The following DEPDC5 variants were observed in gnomAD, a reference collection of about 807,000 sequenced individuals.
The protein encoded by DEPDC5 is DEP domain containing 5, GATOR1 subcomplex subunit, also known as GATOR1 complex protein DEPDC5.
Under a neutral mutation model 217.3 loss-of-function variants are expected in DEPDC5, and 73 were observed. The ratio of observed to expected loss-of-function variants is 0.34; its 90% CI spans 0.28 to 0.41. DEPDC5 has a LOEUF of 0.41. DEPDC5 is among the 10% of genes least tolerant of loss of function. The probability of loss-of-function intolerance (pLI) is 1.00; values close to 1 mark genes in which losing one functional copy is unlikely to be tolerated. For missense variants in DEPDC5, 1,675 were observed against 2,070.1 expected (o/e 0.81, Z 3.70); for synonymous variants, 733 against 756.7 (o/e 0.97, Z 0.51).
intron 21 of DEPDC5, chr22:31,817,582 G>T: frequency 8.4e-6 from 2 of 236,904 alleles, no homozygotes; most frequent in East Asian, 2.3e-4. Context: ...TCAACCTCCT[G>T]GGCTCACGTG....
intron 32 of DEPDC5, among the ~76,000 whole-genome samples, chr22:31,859,684 T>C (rs1181832631): frequency 1.3e-5 from 2 of 152,192 alleles, no homozygotes; most frequent in African/African-American, 4.8e-5. Flanking sequence ...TGAGCCACCA[T>C]GCGCAGCCGT....
At chr22:31,768,907 C>T in intron 7 of DEPDC5, 44 bp downstream of exon 7, 1 of 1,606,108 alleles carries the variant, frequency 6.2e-7, no homozygotes, top group Non-Finnish European at 8.5e-7. Flanking sequence ...AGTAACTGGG[C>T]TACATAAAGC....
At chr22:31,760,070 C>CT (rs143845210) in intron 3 of DEPDC5, among the ~76,000 whole-genome samples, 43,542 of 140,196 alleles carry the variant, frequency 0.31, 7,689 homozygotes, top group African/African-American at 0.51. Context: ...TTCTTTGTTT[C>CT]TTTTTTTTTT....
intron 29 of DEPDC5, 145 bp from the exon 30 acceptor site, chr22:31,844,873 A>T: frequency 1.2e-6 from 1 of 854,652 alleles, no homozygotes; most frequent in Non-Finnish European, 1.9e-6. Flanking sequence ...TGTATTTTCA[A>T]CAAAGCCATG....
At chr22:31,828,020 T>A (rs890010482) in intron 24 of DEPDC5, among the ~76,000 whole-genome samples, 9 of 152,200 alleles carry the variant, frequency 5.9e-5, no homozygotes, top group Non-Finnish European at 1.3e-4. Flanking sequence ...AGCACTCCCC[T>A]CCTATCCTCT....
chr22:31,859,305 A>G (rs2092428088), intron 32 of DEPDC5, among the ~76,000 whole-genome samples: 4 of 149,770 alleles, frequency 2.7e-5, no homozygotes, highest in Middle Eastern at 3.6e-3. Flanking sequence ...GTTAGCCAGG[A>G]TGGTCTTGAT....
At chr22:31,814,878 G>C in intron 20 of DEPDC5, 114 bp from the exon 21 acceptor site, 1 of 1,106,994 alleles carries the variant, frequency 9.0e-7, no homozygotes, top group Non-Finnish European at 1.3e-6. Flanking sequence ...GATCACACTG[G>C]GGATTTTTGT....
intron 39 of DEPDC5, among the ~76,000 whole-genome samples, chr22:31,896,555 G>A (rs1483247976): frequency 6.6e-6 from 1 of 151,170 alleles, no homozygotes; most frequent in Non-Finnish European, 1.5e-5. Flanking sequence ...CATTTTTATG[G>A]TTAAAAAGAG....
chr22:31,886,870 ACCAGCCTGG>A (rs1298905228), intron 38 of DEPDC5, among the ~76,000 whole-genome samples: 2 of 149,912 alleles, frequency 1.3e-5, no homozygotes, highest in Non-Finnish European at 3.0e-5. Flanking sequence ...GGAGTTTGAG[ACCAGCCTGG>A]CCAACATGGT....
intron 15 of DEPDC5, among the ~76,000 whole-genome samples, chr22:31,803,915 G>A (rs2087173600): frequency 6.6e-6 from 1 of 152,184 alleles, no homozygotes; most frequent in Admixed American, 6.6e-5. Flanking sequence ...GTCATGACCT[G>A]TAGGACAGTC....
chr22:31,764,134 A>G (rs2082625213), intron 4 of DEPDC5, among the ~76,000 whole-genome samples: 4 of 151,558 alleles, frequency 2.6e-5, no homozygotes, highest in African/African-American at 4.9e-5. Flanking sequence ...GGGTTTCACC[A>G]TGTTGGTCAG....
chr22:31,820,039 G>GA (rs1433407787), intron 22 of DEPDC5, among the ~76,000 whole-genome samples: 1 of 152,000 alleles, frequency 6.6e-6, no homozygotes, highest in Non-Finnish European at 1.5e-5. Flanking sequence ...CTCAAGCTGT[G>GA]GCTAAAATTA....
chr22:31,784,923 A>G (rs376561439), intron 10 of DEPDC5, 48 bp downstream of exon 10: 278 of 1,540,688 alleles, frequency 1.8e-4, no homozygotes, highest in Non-Finnish European at 2.4e-4. Flanking sequence ...ACATTACTCA[A>G]TCAGATTTTT....
At position 31,790,656 on chromosome 22, in the gene DEPDC5, C is replaced by T. The variant is rs568449771; in HGVS notation, c.625-1377C>T. Reference sequence around the variant, plus strand: ...ACTGTAGGCCTGGCATTGTGGCTCACGCCTGTAATCCCAGCACTTTGCCAA... The same window carrying T: ...ACTGTAGGCCTGGCATTGTGGCTCATGCCTGTAATCCCAGCACTTTGCCAA... On this transcript the variant is annotated intron_variant, in intron 10 of 42. Coordinates refer to ENST00000651528, the MANE Select transcript of DEPDC5 (RefSeq NM_001242896.3). 5.3e-5 allele frequency among the ~76,000 whole-genome samples: 8 copies of T among 152,128 alleles called. No individual in the cohort carries two copies. The South Asian group carries it at 6.2e-4, about 12-fold the overall frequency.
At chr22:31,856,668 G>T (rs1040815751) in intron 31 of DEPDC5, among the ~76,000 whole-genome samples, 1 of 152,132 alleles carries the variant, frequency 6.6e-6, no homozygotes, top group African/African-American at 2.4e-5. Flanking sequence ...TGGTTTGGAG[G>T]GTGATGTAGC....
rs1422244230 is a variant in DEPDC5 at position 31,783,999 on chromosome 22, G to A, written c.562+14G>A. On this transcript the variant is annotated intron_variant, in intron 9 of 42. Coordinates refer to ENST00000651528, the MANE Select transcript of DEPDC5 (RefSeq NM_001242896.3). ...TTGATATTTATGGTACTGTGTCTAT[G>A]TGCTGATTGTAACTGCTAAGGGGAG... 6.2e-7 allele frequency: 1 copy of A among 1,608,164 alleles called. No homozygotes were observed. Among genetic ancestry groups the A allele is most frequent in the Non-Finnish European group, 8.5e-7 (1 of 1,177,254 alleles).
chr22:31,837,352 CTT>C (rs763885915), intron 26 of DEPDC5, 197 bp downstream of exon 26: 1,927 of 531,716 alleles, frequency 3.6e-3, no homozygotes, highest in South Asian at 8.4e-3. Context: ...TTTTTTTTTC[CTT>C]TTTTTTTTTT....
intron 10 of DEPDC5, among the ~76,000 whole-genome samples, chr22:31,791,502 C>T (rs978034565): frequency 2.0e-5 from 3 of 151,062 alleles, no homozygotes; most frequent in South Asian, 2.1e-4. Flanking sequence ...CCAGGTGGCC[C>T]ACCTGTAATC....
chr22:31,772,332 G>C (rs5994428), intron 7 of DEPDC5, among the ~76,000 whole-genome samples: 138 of 152,284 alleles, frequency 9.1e-4, no homozygotes, highest in African/African-American at 3.2e-3. Context: ...CACAAAAAAT[G>C]TAACCAAGGT....
Sources: allele counts gnomAD v4.1 joint callset (sites outside exome capture counted in the v4.1 genomes callset), GRCh38; gene constraint gnomAD v4.1.1; transcripts MANE v1.5; gene names NCBI Gene and HGNC (gene_info 2026-07-23, HGNC 2026-07-21).